SORCS1: variants seen among roughly 807,000 people sequenced by gnomAD.
SORCS1 encodes VPS10 domain-containing receptor SorCS1.
SORCS1 carries 60 observed loss-of-function variants against 146.1 expected under a neutral mutation model. That is an observed-to-expected ratio of 0.41 (90% CI 0.33 to 0.51). SORCS1 has a LOEUF of 0.51. SORCS1 is among the 20% of genes least tolerant of loss of function. The pLI is 0.21. For missense variants in SORCS1, 1,352 were observed against 1,487.6 expected, an observed-to-expected ratio of 0.91 and a Z score of 1.50; for synonymous variants, 637 against 584.0, an observed-to-expected ratio of 1.09 and a Z score of -1.31.
chr10:106,847,850 G>C (rs1949367506), intron 2 of SORCS1, among the ~76,000 whole-genome samples: 1 of 148,230 alleles, frequency 6.7e-6, no homozygotes, highest in South Asian at 2.2e-4. Flanking sequence ...GTACCCAGTA[G>C]TCATTCAGGA....
intron 1 of SORCS1, among the ~76,000 whole-genome samples, chr10:106,981,157 T>G (rs1357597909): frequency 6.6e-6 from 1 of 152,138 alleles, no homozygotes. Flanking sequence ...GCAAGAAGCT[T>G]AACACTTACC....
intron 23 of SORCS1, among the ~76,000 whole-genome samples, chr10:106,603,129 A>G (rs892475230): frequency 6.6e-6 from 1 of 152,178 alleles, no homozygotes; most frequent in East Asian, 1.9e-4. Flanking sequence ...AGCATCACAA[A>G]CAATCACGAT....
intron 2 of SORCS1, among the ~76,000 whole-genome samples, chr10:106,918,191 C>T (rs947786394): frequency 1.3e-5 from 2 of 152,258 alleles, no homozygotes; most frequent in East Asian, 1.9e-4. Context: ...TACGGAGTCT[C>T]GCTCTGTCGC....
chr10:107,069,362 T>C (rs1053556305), intron 1 of SORCS1, among the ~76,000 whole-genome samples: 4 of 152,098 alleles, frequency 2.6e-5, no homozygotes, highest in African/African-American at 9.7e-5. Context: ...TATTTTCTTT[T>C]CTTTTCCTTT....
chr10:106,731,858 G>C (rs1172377802), intron 5 of SORCS1, among the ~76,000 whole-genome samples: 1 of 151,790 alleles, frequency 6.6e-6, no homozygotes, highest in Admixed American at 6.6e-5. Context: ...AAAGAAGGAA[G>C]GAATGAAGGA....
At chr10:106,864,024 C>T (rs1950132359) in intron 2 of SORCS1, among the ~76,000 whole-genome samples, 1 of 152,060 alleles carries the variant, frequency 6.6e-6, no homozygotes, top group Non-Finnish European at 1.5e-5. Context: ...ACCCAAAGCC[C>T]AAGACTTTGA....
intron 2 of SORCS1, among the ~76,000 whole-genome samples, chr10:106,948,151 C>A (rs1954457004): frequency 6.6e-6 from 1 of 151,352 alleles, no homozygotes; most frequent in African/African-American, 2.4e-5. Flanking sequence ...AAAAGTAGAC[C>A]TATGGTATGT....
intron 1 of SORCS1, among the ~76,000 whole-genome samples, chr10:107,145,551 A>T (rs1477562128): frequency 6.6e-6 from 1 of 152,244 alleles, no homozygotes; most frequent in Non-Finnish European, 1.5e-5. Context: ...GAAATAAAAT[A>T]GAATTATAAA....
chr10:106,579,218 C>T, intron 25 of SORCS1, 151 bp downstream of exon 25: 1 of 1,614,102 alleles, frequency 6.2e-7, no homozygotes. Flanking sequence ...TCTCATTCTG[C>T]ATCTGGGCAT....
At chr10:106,625,251 C>T (rs1848030540) in intron 19 of SORCS1, among the ~76,000 whole-genome samples, 2 of 138,674 alleles carry the variant, frequency 1.4e-5, no homozygotes, top group Admixed American at 7.0e-5. Flanking sequence ...TGTGTGTACA[C>T]TGGCTGCTCT....
chr10:106,638,662 A>T (rs1041351266), intron 18 of SORCS1, among the ~76,000 whole-genome samples: 1 of 152,090 alleles, frequency 6.6e-6, no homozygotes, highest in Non-Finnish European at 1.5e-5. Context: ...AAGTCATAAG[A>T]CCTCTTCTAT....
rs1483300490 is a variant in SORCS1, at chr10:106,606,393, CTAA to C, written c.3165+770_3165+772del. ...ACAGGGCAGTAGAGTTGCTCGGGAGCTAATGTTACTCATTACAAACACAAATTA... is the reference window on the plus strand; with the variant it reads ...ACAGGGCAGTAGAGTTGCTCGGGAGCTGTTACTCATTACAAACACAAATTA... On this transcript the variant is annotated intron_variant, in intron 23 of 25. Transcript: ENST00000263054. Among the ~76,000 whole-genome samples, 9 of 151,904 alleles carry C rather than the reference CTAA, an allele frequency of 5.9e-5. 1 individual carries two copies. The highest frequency in any genetic ancestry group is 5.9e-4 in the Admixed American group (9 of 15,258).
intron 1 of SORCS1, among the ~76,000 whole-genome samples, chr10:107,021,648 G>A (rs1039507696): frequency 6.6e-6 from 1 of 150,948 alleles, no homozygotes; most frequent in Non-Finnish European, 1.5e-5. Flanking sequence ...CTAAGAGCAA[G>A]TATGTTAGAG....
chr10:106,629,453 G>A (rs2133576493), intron 18 of SORCS1, 65 bp from the exon 19 acceptor site: 1 of 1,550,598 alleles, frequency 6.4e-7, no homozygotes, highest in East Asian at 2.3e-5. Context: ...TAGGGGACTG[G>A]GGACTACGGC....
chr10:106,800,614 C>A (rs1337347349), intron 3 of SORCS1, among the ~76,000 whole-genome samples: 1 of 150,790 alleles, frequency 6.6e-6, no homozygotes, highest in Non-Finnish European at 1.5e-5. Context: ...CTCCACCTCC[C>A]GGGTTCATGC....
chr10:107,049,540 C>A (rs1959907522), intron 1 of SORCS1, among the ~76,000 whole-genome samples: 1 of 152,156 alleles, frequency 6.6e-6, no homozygotes, highest in African/African-American at 2.4e-5. Flanking sequence ...AGTTTAAGTG[C>A]TAAAACTTCT....
At chr10:106,604,134 C>CT (rs1277204668) in intron 23 of SORCS1, among the ~76,000 whole-genome samples, 1 of 152,178 alleles carries the variant, frequency 6.6e-6, no homozygotes, top group African/African-American at 2.4e-5. Flanking sequence ...CTCAGGCCAA[C>CT]TTCCCATATG....
chr10:107,091,066 G>A (rs904560629), intron 1 of SORCS1, among the ~76,000 whole-genome samples: 4 of 152,142 alleles, frequency 2.6e-5, no homozygotes, highest in South Asian at 2.1e-4. Flanking sequence ...TAAAAGCGAG[G>A]GAGACCCAAG....
chr10:106,993,196 T>G (rs1956846955), intron 1 of SORCS1, among the ~76,000 whole-genome samples: 1 of 151,886 alleles, frequency 6.6e-6, no homozygotes, highest in Non-Finnish European at 1.5e-5. Flanking sequence ...GTCAACATTC[T>G]AAGCAACTCT....
Sources: allele counts gnomAD v4.1 joint callset (sites outside exome capture counted in the v4.1 genomes callset), GRCh38; gene constraint gnomAD v4.1.1; transcripts MANE v1.5; gene names NCBI Gene and HGNC (gene_info 2026-07-23, HGNC 2026-07-21).